Variants in MRPS28 observed in about 807,000 individuals in gnomAD.
MRPS28 encodes the protein mitochondrial ribosomal protein S28.
In MRPS28, 7 loss-of-function variants were observed where a neutral mutation model predicts 10.8. That is an observed-to-expected ratio of 0.65 (90% CI 0.37 to 1.22). The LOEUF is 1.22. MRPS28 is among the 50% of genes most tolerant of loss of function. MRPS28 has a pLI of 0.02. For synonymous variants in MRPS28, 121 were observed against 93.3 expected, an observed-to-expected ratio of 1.30 and a Z score of -1.71; for missense variants, 265 against 232.9, an observed-to-expected ratio of 1.14 and a Z score of -0.90.
At chr8:80,023,091 G>A (rs898386135) in intron 1 of MRPS28, among the ~76,000 whole-genome samples, 2 of 152,056 alleles carry the variant, frequency 1.3e-5, no homozygotes, top group Admixed American at 6.6e-5. Context: ...ATATTAACTG[G>A]TCATTTCCTC....
intron 2 of MRPS28, among the ~76,000 whole-genome samples, chr8:79,976,551 A>C (rs1375044129): frequency 6.6e-6 from 1 of 152,012 alleles, no homozygotes; most frequent in African/African-American, 2.4e-5. Context: ...CTAAAAATAC[A>C]AAAAATTAGC....
chr8:79,962,705 G>C (rs559523292), intron 2 of MRPS28, among the ~76,000 whole-genome samples: 1 of 152,116 alleles, frequency 6.6e-6, no homozygotes, highest in Middle Eastern at 3.4e-3. Context: ...AATGAATTGC[G>C]GCAGTGAATG....
intron 1 of MRPS28, among the ~76,000 whole-genome samples, chr8:80,013,716 T>C (rs1021496983): frequency 6.6e-6 from 1 of 150,938 alleles, no homozygotes; most frequent in Non-Finnish European, 1.5e-5. Flanking sequence ...ATACTTTAAC[T>C]ACTTCATACT....
intron 2 of MRPS28, among the ~76,000 whole-genome samples, chr8:79,978,686 C>T (rs1807866230): frequency 6.6e-6 from 1 of 152,132 alleles, no homozygotes; most frequent in Non-Finnish European, 1.5e-5. Flanking sequence ...ACCCACTCTT[C>T]ACTCCACCCC....
chr8:80,029,998 T>C (rs1809611475), intron 1 of MRPS28, 38 bp downstream of exon 1: 18 of 1,598,780 alleles, frequency 1.1e-5, no homozygotes, highest in Non-Finnish European at 1.5e-5. Context: ...GTCGTTGGCG[T>C]AATTCCCGCG....
At chr8:80,019,833 G>C (rs1297694309) in intron 1 of MRPS28, among the ~76,000 whole-genome samples, 1 of 152,130 alleles carries the variant, frequency 6.6e-6, no homozygotes, top group African/African-American at 2.4e-5. Flanking sequence ...CAAAGTATTG[G>C]TAGTCATTAA....
At chr8:80,008,457 C>A (rs180670868) in intron 1 of MRPS28, among the ~76,000 whole-genome samples, 186 of 152,136 alleles carry the variant, frequency 1.2e-3, no homozygotes, top group African/African-American at 3.2e-3. Context: ...TCTGCACAGC[C>A]AAAGAAACTA....
intron 2 of MRPS28, among the ~76,000 whole-genome samples, chr8:79,921,912 T>C (rs1810105172): frequency 6.6e-6 from 1 of 152,210 alleles, no homozygotes; most frequent in Non-Finnish European, 1.5e-5. Flanking sequence ...TGATATTGGC[T>C]GTGGGTTTGT....
At chr8:80,007,959 T>C (rs534645281) in intron 1 of MRPS28, among the ~76,000 whole-genome samples, 6 of 152,246 alleles carry the variant, frequency 3.9e-5, no homozygotes, top group African/African-American at 1.4e-4. Context: ...GAGCCCGCAT[T>C]GCCAAGTCAA....
intron 1 of MRPS28, among the ~76,000 whole-genome samples, chr8:80,014,189 G>A (rs752183375): frequency 9.2e-5 from 14 of 152,114 alleles, no homozygotes; most frequent in Non-Finnish European, 1.8e-4. Context: ...AAAACAAGGA[G>A]AATAGCTAAA....
chr8:79,962,210 T>C (rs1807389189), intron 2 of MRPS28, among the ~76,000 whole-genome samples: 2 of 151,896 alleles, frequency 1.3e-5, no homozygotes, highest in South Asian at 4.1e-4. Context: ...TATTCGTCGT[T>C]GTATTTCCAG....
chr8:80,007,308 C>T (rs1487252563), intron 1 of MRPS28, among the ~76,000 whole-genome samples: 2 of 152,096 alleles, frequency 1.3e-5, no homozygotes, highest in Admixed American at 6.5e-5. Context: ...AACCCACAGC[C>T]GATATCATAC....
rs1295108671 is a variant in MRPS28, at chr8:80,030,231, C to T, written c.18G>A (p.Arg6=). Residue 6 remains arginine, a synonymous_variant, in exon 1 of 3, where the codon CGG becomes CGA. Transcript: ENST00000276585. MAALC[R]TRAVAAESHF... ...GGCTCTCGGCAGCCACAGCACGGGT[C>T]CGACACAGCGCCGCCATGACTTCTT... is the stretch of plus-strand genomic sequence containing the variant. 3.7e-6 allele frequency: 6 copies of T among 1,613,964 alleles called. No homozygotes were observed. Among genetic ancestry groups the T allele is most frequent in the Non-Finnish European group, 5.1e-6 (6 of 1,180,058 alleles).
intron 2 of MRPS28, among the ~76,000 whole-genome samples, chr8:79,997,793 G>C (rs114436793): frequency 0.016 from 2,399 of 152,164 alleles, 60 homozygotes; most frequent in African/African-American, 0.052. Context: ...TGGTGGCTTA[G>C]CCTGTAATCC....
chr8:79,945,679 G>A (rs1262140019), intron 2 of MRPS28, among the ~76,000 whole-genome samples: 1 of 152,094 alleles, frequency 6.6e-6, no homozygotes, highest in African/African-American at 2.4e-5. Context: ...TGGCAGACAT[G>A]TTACAGAAAT....
Position 79,971,580 on chromosome 8 carries a change from A to G in MRPS28, c.395+31419T>C, listed in dbSNP as rs74841401. Reference sequence around the variant, plus strand: ...ATCTTCTGTCTCTACATACTTGACTATTCTGCACATTTCATATCAAGGAAT... The same window carrying G: ...ATCTTCTGTCTCTACATACTTGACTGTTCTGCACATTTCATATCAAGGAAT... On this transcript the variant is annotated intron_variant, in intron 2 of 2. Transcript: ENST00000276585. Among the ~76,000 whole-genome samples the G allele has an allele frequency of 5.7e-3, 871 of 152,296 alleles. 8 individuals carry two copies. Among genetic ancestry groups the G allele is most frequent in the African/African-American group, 0.02 (825 of 41,562 alleles).
rs1809545842 is a variant in MRPS28 at position 80,028,470 on chromosome 8, C to T, written c.213+1566G>A. On this transcript the variant is annotated intron_variant, in intron 1 of 2. Transcript: ENST00000276585. The stretch of plus-strand genomic sequence containing the variant: ...TCCATATATGGTAGAAAGAATAATG[C>T]CCCCTCCCCCTACAAAGACATCCAC... Among the ~76,000 whole-genome samples, 3 of 151,958 alleles carry T rather than the reference C, an allele frequency of 2.0e-5. No individual in the cohort carries two copies. In the South Asian group the frequency reaches 6.3e-4, roughly 32 times the overall value.
chr8:80,002,560 A>G (rs1808688339), intron 2 of MRPS28, among the ~76,000 whole-genome samples: 1 of 152,192 alleles, frequency 6.6e-6, no homozygotes, highest in African/African-American at 2.4e-5. Context: ...CTTTACCTAC[A>G]TAAACCACAA....
intron 2 of MRPS28, among the ~76,000 whole-genome samples, chr8:79,945,822 C>A (rs1323797247): frequency 6.6e-6 from 1 of 151,858 alleles, no homozygotes; most frequent in Non-Finnish European, 1.5e-5. Context: ...GTAAGCAAGC[C>A]CATTCAAGTA....
Sources: gnomAD v4.1 joint callset for allele counts (sites outside exome capture counted in the v4.1 genomes callset) on GRCh38, gnomAD v4.1.1 for gene constraint, MANE v1.5 for transcripts, NCBI Gene and HGNC (gene_info 2026-07-23, HGNC 2026-07-21) for gene names.